The following RUFY3 variants were observed in gnomAD, a reference collection of about 807,000 sequenced individuals.
RUFY3 encodes the protein protein RUFY3.
RUFY3 carries 34 observed loss-of-function variants against 84.0 expected under a neutral mutation model. The observed-to-expected ratio is 0.40, with a 90% CI of 0.31 to 0.54. The LOEUF is 0.54. RUFY3 is among the 20% of genes least tolerant of loss of function. The probability of loss-of-function intolerance (pLI) is 0.39; values close to 1 mark genes in which losing one functional copy is unlikely to be tolerated. For synonymous variants in RUFY3, 242 were observed against 252.9 expected, an observed-to-expected ratio of 0.96 and a Z score of 0.41; for missense variants, 507 against 736.8, an observed-to-expected ratio of 0.69 and a Z score of 3.61.
chr4:70,791,672 A>G (rs183980873), intron 12 of RUFY3: 1,132 of 1,031,484 alleles, frequency 1.1e-3, no homozygotes, highest in Middle Eastern at 2.4e-3. Context: ...TTCTCGGTGC[A>G]TTGTTCATGT....
intron 1 of RUFY3, among the ~76,000 whole-genome samples, chr4:70,735,753 G>A (rs1432597969): frequency 2.0e-5 from 3 of 152,002 alleles, no homozygotes; most frequent in Non-Finnish European, 4.4e-5. Context: ...TTCAGAGGTC[G>A]AGGCGGGTGG....
In RUFY3 at chr4:70,775,159, T is replaced by C; in HGVS notation, c.759-9T>C. On this transcript the variant is annotated splice_polypyrimidine_tract_variant and intron_variant, in intron 6 of 17. Transcript: ENST00000381006. ...TTATTTTATTTCTATTTTCTTCCCCTTCCCCCAGAGACGGTCAGATTACTG... is the reference window on the plus strand; with the variant it reads ...TTATTTTATTTCTATTTTCTTCCCCCTCCCCCAGAGACGGTCAGATTACTG... 1 of 1,586,124 alleles carries C rather than the reference T, an allele frequency of 6.3e-7. No homozygotes were observed. Among genetic ancestry groups the C allele is most frequent in the Non-Finnish European group, 8.6e-7 (1 of 1,161,334 alleles).
chr4:70,785,257 T>C (rs1423497958), intron 10 of RUFY3, among the ~76,000 whole-genome samples: 1 of 152,206 alleles, frequency 6.6e-6, no homozygotes, highest in African/African-American at 2.4e-5. Flanking sequence ...AGGATTACTC[T>C]ATTTTATTTT....
At chr4:70,784,336 A>G (rs1729425887) in intron 9 of RUFY3, among the ~76,000 whole-genome samples, 1 of 152,178 alleles carries the variant, frequency 6.6e-6, no homozygotes, top group Non-Finnish European at 1.5e-5. Flanking sequence ...TACAAAAATT[A>G]GCCGGGCGTG....
At chr4:70,719,460 C>G (rs1044452942), upstream of RUFY3, among the ~76,000 whole-genome samples, 20 of 152,282 alleles carry the variant, frequency 1.3e-4, no homozygotes, top group South Asian at 1.0e-3. Context: ...TGGTTTGTGA[C>G]AAGGCCAAAT....
chr4:70,765,407 AAG>A (rs970581216), intron 4 of RUFY3, among the ~76,000 whole-genome samples: 1 of 152,024 alleles, frequency 6.6e-6, no homozygotes, highest in African/African-American at 2.4e-5. Context: ...TAGAGATTGG[AAG>A]AGAGAAAGAA....
At chr4:70,764,751 T>C (rs938809113) in intron 4 of RUFY3, among the ~76,000 whole-genome samples, 175 bp downstream of exon 4, 3 of 152,240 alleles carry the variant, frequency 2.0e-5, no homozygotes, top group Admixed American at 6.5e-5. Flanking sequence ...ATTTATGTTA[T>C]GTGTGTTCTG....
At position 70,788,974 on chromosome 4, in the gene RUFY3, G is replaced by A. The variant is rs1329049992; in HGVS notation, c.1239+1G>A. The A allele has an allele frequency of 1.2e-6, 2 of 1,613,738 alleles. No individual in the cohort carries two copies. The highest frequency in any genetic ancestry group is 1.7e-6 in the Non-Finnish European group (2 of 1,179,814). On this transcript the variant is annotated splice_donor_variant, in intron 11 of 17. Transcript: ENST00000381006. LOFTEE classifies it high-confidence loss of function. Reference sequence around the variant, plus strand: ...GCATGAACTTGCCTTTAAGCTGCAGGTAGGGGAAATATGAGGAATAGACTC... The same window carrying A: ...GCATGAACTTGCCTTTAAGCTGCAGATAGGGGAAATATGAGGAATAGACTC...
At chr4:70,714,711 G>A (rs566239186) in intron 1 of RUFY3, among the ~76,000 whole-genome samples, 3 of 152,338 alleles carry the variant, frequency 2.0e-5, no homozygotes, top group Non-Finnish European at 2.9e-5. Context: ...GAGTAGATAC[G>A]TAAGAGGTAT....
Position 70,705,233 on chromosome 4 carries a change from G to A in RUFY3, c.297G>A (p.Leu99=). 2.1e-6 allele frequency: 3 copies of A among 1,461,172 alleles called. No individual in the cohort carries two copies. In the South Asian group the frequency reaches 4.0e-5, roughly 19 times the overall value. The allele number at this position is 1,461,172 out of a possible 1,614,324, so 90.5% of individuals were successfully genotyped here. A position where few individuals can be genotyped will look rare whatever the true frequency, so the allele number is the denominator to read the frequency against. ...CCCCGCCGTCCCCCGGCTCACCGCT[G>A]CCCTTCCTGCTGCTGAGCTACCCGA... Residue 99 remains leucine (L), a synonymous_variant, in exon 1 of 12, where the codon CTG becomes CTA. Transcript: ENST00000417478.
chr4:70,753,237 TC>T (rs1723424455), intron 1 of RUFY3, among the ~76,000 whole-genome samples: 1 of 152,236 alleles, frequency 6.6e-6, no homozygotes, highest in Non-Finnish European at 1.5e-5. Context: ...AATACTACTG[TC>T]CCCTCTTTCA....
intron 12 of RUFY3, chr4:70,791,360 C>T (rs1730790676): frequency 6.3e-7 from 1 of 1,598,904 alleles, no homozygotes; most frequent in Non-Finnish European, 8.5e-7. Flanking sequence ...AGGAAGAAAT[C>T]TGAAAGTTAC....
At chr4:70,792,924 G>T in intron 12 of RUFY3, 1 of 985,378 alleles carries the variant, frequency 1.0e-6, no homozygotes, top group South Asian at 4.7e-5. Context: ...CTTTTGTGGT[G>T]ATGGGTTGCC....
chr4:70,711,064 GAAAAAAAAAAAAA>G (rs950005722), intron 1 of RUFY3, among the ~76,000 whole-genome samples: 7 of 54,094 alleles, frequency 1.3e-4, no homozygotes, highest in South Asian at 1.4e-3. Flanking sequence ...ACTCCGTCTG[GAAAAAAAAAAAAA>G]AAAAAAAAAA....
intron 16 of RUFY3, 150 bp downstream of exon 16, chr4:70,803,133 T>C: frequency 3.7e-6 from 2 of 543,360 alleles, no homozygotes; most frequent in Non-Finnish European, 6.5e-6. Flanking sequence ...ATGTATTGCC[T>C]GAAGCTCACA....
rs550931428 is a variant in RUFY3, at chr4:70,800,645, A to C, written c.1622+440A>C. 1.6e-4 allele frequency among the ~76,000 whole-genome samples: 24 copies of C among 152,324 alleles called. No homozygotes were observed. In the South Asian group the frequency reaches 5.0e-3, roughly 32 times the overall value. On this transcript the variant is annotated intron_variant, in intron 15 of 17. Coordinates refer to ENST00000381006, the MANE Select transcript of RUFY3 (RefSeq NM_001037442.4). The stretch of plus-strand genomic sequence containing the variant: ...ACGCCTGTAATCCCAGTACTTTGGG[A>C]GGCCGAGGCAGGTGGATCACCTGAG...
intron 1 of RUFY3, among the ~76,000 whole-genome samples, chr4:70,729,153 G>C (rs1718793537): frequency 6.6e-6 from 1 of 152,172 alleles, no homozygotes; most frequent in South Asian, 2.1e-4. Context: ...TAGGATAGTG[G>C]TTAAAAGTAT....
chr4:70,718,471 A>G (rs114933817), upstream of RUFY3, among the ~76,000 whole-genome samples: 623 of 152,310 alleles, frequency 4.1e-3, 6 homozygotes, highest in African/African-American at 0.014. Context: ...AACTTCACAC[A>G]GGCCTATTCT....
At chr4:70,759,368 GTGTA>G (rs1269441993) in intron 1 of RUFY3, among the ~76,000 whole-genome samples, 768 of 73,234 alleles carry the variant, frequency 0.01, 4 homozygotes, top group South Asian at 0.045. Context: ...GTGTGTGTGT[GTGTA>G]TGTGTGTGTG....
Sources: allele counts gnomAD v4.1 joint callset (sites outside exome capture counted in the v4.1 genomes callset), GRCh38; gene constraint gnomAD v4.1.1; transcripts MANE v1.5; gene names NCBI Gene and HGNC (gene_info 2026-07-23, HGNC 2026-07-21).